ACP1: variants seen among roughly 807,000 people sequenced by gnomAD.
ACP1 encodes the protein acid phosphatase 1.
Under a neutral mutation model 23.4 loss-of-function variants are expected in ACP1, and 23 were observed. That is an observed-to-expected ratio of 0.98 (90% CI 0.71 to 1.39). The LOEUF is 1.39. Among genes scored for constraint, ACP1 ranks in the 40% most tolerant of loss-of-function variants. ACP1 has a pLI of 0.00. For synonymous variants in ACP1, 72 were observed against 67.2 expected, an observed-to-expected ratio of 1.07 and a Z score of -0.35; for missense variants, 180 against 197.7, an observed-to-expected ratio of 0.91 and a Z score of 0.54.
At chr2:276,333 A>G (rs1450479888) in intron 4 of ACP1, among the ~76,000 whole-genome samples, 1 of 152,220 alleles carries the variant, frequency 6.6e-6, no homozygotes, top group African/African-American at 2.4e-5. Context: ...CCTGAGCTGT[A>G]AAACTTCGTG....
At chr2:276,148 G>A (rs537103651) in intron 4 of ACP1, among the ~76,000 whole-genome samples, 46 of 152,206 alleles carry the variant, frequency 3.0e-4, no homozygotes, top group Middle Eastern at 6.8e-3. Context: ...ACATTTGCAC[G>A]TGCTGTTCCT....
intron 1 of ACP1, 152 bp downstream of exon 1, chr2:265,159 GC>G: frequency 1.2e-6 from 1 of 832,546 alleles, no homozygotes; most frequent in Non-Finnish European, 1.8e-6. Flanking sequence ...GTGCCGCAGC[GC>G]CCCTGTTCCC....
At position 277,390 on chromosome 2, in the gene ACP1, A is replaced by C. The variant is rs889612434; in HGVS notation, c.*86A>C. 2.5e-6 allele frequency: 3 copies of C among 1,180,912 alleles called. No homozygotes were observed. Among genetic ancestry groups the C allele is most frequent in the Non-Finnish European group, 3.8e-6 (3 of 786,882 alleles). 73.2% of individuals were successfully genotyped at this position (1,180,912 alleles called of 1,614,324 possible). A position where few individuals can be genotyped will look rare whatever the true frequency, so the allele number is the denominator to read the frequency against. ...CTCAGTCGGTGTGTAATCACGTTCC[A>C]GGGCCCAAAGCCCAGCTCTTTGTTC... On this transcript the variant is annotated 3_prime_UTR_variant, in exon 6 of 6. Transcript: ENST00000272065.
At chr2:274,047 C>G (rs974171561) in intron 3 of ACP1, among the ~76,000 whole-genome samples, 4 of 152,084 alleles carry the variant, frequency 2.6e-5, no homozygotes, top group African/African-American at 9.7e-5. Flanking sequence ...CCTGTAGTCC[C>G]AGCTGTTTGG....
At chr2:271,470 A>AG (rs1670030264) in intron 1 of ACP1, among the ~76,000 whole-genome samples, 1 of 152,182 alleles carries the variant, frequency 6.6e-6, no homozygotes. Flanking sequence ...GAGTCTACTG[A>AG]GGGACAGACC....
intron 4 of ACP1, among the ~76,000 whole-genome samples, chr2:276,084 G>A (rs930374480): frequency 2.0e-5 from 3 of 152,114 alleles, no homozygotes; most frequent in African/African-American, 4.8e-5. Context: ...GCTTTGACTG[G>A]CACTGAGCAC....
At chr2:273,539 C>T (rs917805223) in intron 3 of ACP1, among the ~76,000 whole-genome samples, 19 of 152,298 alleles carry the variant, frequency 1.2e-4, no homozygotes, top group African/African-American at 4.6e-4. Context: ...TTCGCGGCTG[C>T]TTTTGTGCTA....
chr2:273,969 T>A (rs1325046737), intron 3 of ACP1, among the ~76,000 whole-genome samples: 1 of 152,154 alleles, frequency 6.6e-6, no homozygotes, highest in African/African-American at 2.4e-5. Flanking sequence ...AAGACCAGCC[T>A]GAGCAACATA....
intron 1 of ACP1, 90 bp from the exon 2 acceptor site, chr2:271,776 C>T: frequency 1.0e-6 from 1 of 994,456 alleles, no homozygotes; most frequent in African/African-American, 1.6e-5. Flanking sequence ...TAGCACAGCC[C>T]CCGTGTGTCA....
chr2:273,333 T>A (rs1670094162), intron 3 of ACP1, among the ~76,000 whole-genome samples: 1 of 152,180 alleles, frequency 6.6e-6, no homozygotes, highest in Non-Finnish European at 1.5e-5. Flanking sequence ...TTTAAATAAT[T>A]TTACAGAGTT....
At chr2:277,107 G>A (rs954055212) in intron 5 of ACP1, 22 bp downstream of exon 5, 21 of 1,585,096 alleles carry the variant, frequency 1.3e-5, no homozygotes, top group Non-Finnish European at 1.7e-5. Context: ...TCACGTTTTA[G>A]GGCTAATATG....
chr2:271,402 G>T lies in ACP1; in HGVS notation c.44-464G>T, dbSNP rs545997091. ...TTCTCAGGGGCCAACTATAGGACCT[G>T]AGTATGCACGTTTTGGTATACTGGG... On this transcript the variant is annotated intron_variant, in intron 1 of 5. Coordinates refer to ENST00000272065, the MANE Select transcript of ACP1 (RefSeq NM_004300.4). Among the ~76,000 whole-genome samples the T allele has an allele frequency of 1.4e-4, 22 of 152,230 alleles. No individual in the cohort carries two copies. The East Asian group carries it at 4.1e-3, about 28-fold the overall frequency.
At chr2:272,566 C>T in intron 3 of ACP1, 1 of 1,053,482 alleles carries the variant, frequency 9.5e-7, no homozygotes, top group South Asian at 1.9e-5. Context: ...CTGAGCGGTG[C>T]TCTGTCTTCT....
At chr2:272,643 T>C in intron 3 of ACP1, 2 of 491,920 alleles carry the variant, frequency 4.1e-6, no homozygotes, top group African/African-American at 1.9e-5. Flanking sequence ...TATTGCAAGT[T>C]TGTTGCTAGA....
intron 1 of ACP1, among the ~76,000 whole-genome samples, chr2:267,452 C>T (rs1235321270): frequency 6.6e-6 from 1 of 152,116 alleles, no homozygotes; most frequent in Non-Finnish European, 1.5e-5. Flanking sequence ...AGGGAAGGCC[C>T]CACCTGATAG....
chr2:272,955 A>G (rs1374299006), intron 3 of ACP1: 1 of 154,526 alleles, frequency 6.5e-6, no homozygotes, highest in Non-Finnish European at 1.5e-5. Context: ...ATTTTTATAC[A>G]ATTTATCCAT....
At position 271,847 on chromosome 2, in the gene ACP1, C is replaced by G. The variant is rs929600755; in HGVS notation, c.44-19C>G. On this transcript the variant is annotated intron_variant, in intron 1 of 5. Coordinates refer to ENST00000272065, the MANE Select transcript of ACP1 (RefSeq NM_004300.4). ...CATCCAACCTAACCCTGTTTCCCCA[C>G]CCCTCCCTTTTTTTAAAGGTAACAT... The G allele has an allele frequency of 6.2e-7, 1 of 1,606,604 alleles. No individual in the cohort carries two copies. The highest frequency in any genetic ancestry group is 8.5e-7 in the Non-Finnish European group (1 of 1,173,512).
chr2:265,108 G>T, intron 1 of ACP1, 101 bp downstream of exon 1: 1 of 1,466,256 alleles, frequency 6.8e-7, no homozygotes, highest in Non-Finnish European at 9.4e-7. Context: ...CCATGAGGGG[G>T]AGGAGGCCAG....
intron 3 of ACP1, chr2:272,480 A>G: frequency 7.0e-7 from 1 of 1,433,700 alleles, no homozygotes; most frequent in Non-Finnish European, 9.1e-7. Flanking sequence ...GACTTGCCTG[A>G]CTTTGGAATT....
Sources: gnomAD v4.1 joint callset for allele counts (sites outside exome capture counted in the v4.1 genomes callset) on GRCh38, gnomAD v4.1.1 for gene constraint, MANE v1.5 for transcripts, NCBI Gene and HGNC (gene_info 2026-07-23, HGNC 2026-07-21) for gene names.